The following SRGAP1 variants were observed in gnomAD, a reference collection of about 807,000 sequenced individuals.
SRGAP1 encodes the protein SLIT-ROBO Rho GTPase activating protein 1.
In SRGAP1, 43 loss-of-function variants were observed where a neutral mutation model predicts 121.9. The observed-to-expected ratio is 0.35, with a 90% CI of 0.28 to 0.46. SRGAP1 has a LOEUF of 0.46. SRGAP1 is among the 20% of genes least tolerant of loss of function. The pLI is 1.00. For synonymous variants in SRGAP1, 447 were observed against 485.4 expected (o/e 0.92, Z 1.04); for missense variants, 1,102 against 1,350.9 (o/e 0.82, Z 2.89).
intron 1 of SRGAP1, among the ~76,000 whole-genome samples, chr12:63,935,137 C>T (rs991055990): frequency 6.6e-6 from 1 of 152,162 alleles, no homozygotes; most frequent in East Asian, 1.9e-4. Flanking sequence ...GTGGCTGGCG[C>T]AGAGCCTGGC....
At chr12:64,023,284 C>T (rs1050815003) in intron 4 of SRGAP1, among the ~76,000 whole-genome samples, 10 of 147,774 alleles carry the variant, frequency 6.8e-5, no homozygotes, top group South Asian at 2.1e-4. Context: ...GGGCTGTGAT[C>T]GAAGAAGTGG....
At chr12:64,010,864 C>T (rs1593038521) in intron 3 of SRGAP1, among the ~76,000 whole-genome samples, 1 of 151,304 alleles carries the variant, frequency 6.6e-6, no homozygotes, top group African/African-American at 2.4e-5. Context: ...GGCACTTCAA[C>T]GTTAGAGTTT....
chr12:63,886,488 A>AT (rs1900387467), intron 1 of SRGAP1, among the ~76,000 whole-genome samples: 1 of 151,652 alleles, frequency 6.6e-6, no homozygotes, highest in Admixed American at 6.6e-5. Flanking sequence ...GTACTTATTT[A>AT]TTTTTATTTT....
At chr12:64,138,806 CAATAATTAAAA>C (rs1307828198) in intron 21 of SRGAP1, among the ~76,000 whole-genome samples, 6 of 151,896 alleles carry the variant, frequency 4.0e-5, no homozygotes, top group Non-Finnish European at 8.8e-5. Flanking sequence ...TCCATAAATG[CAATAATTAAAA>C]ATGCATGTTG....
At chr12:64,067,241 T>G (rs2035557708) in intron 8 of SRGAP1, among the ~76,000 whole-genome samples, 2 of 152,134 alleles carry the variant, frequency 1.3e-5, no homozygotes. Context: ...ACAGTGTCCT[T>G]ATAAACTTAG....
intron 4 of SRGAP1, among the ~76,000 whole-genome samples, chr12:64,032,094 T>G (rs1024769895): frequency 6.6e-6 from 1 of 152,136 alleles, no homozygotes; most frequent in Non-Finnish European, 1.5e-5. Context: ...CCATGAAAAT[T>G]TAGGCTCACA....
At chr12:63,889,583 A>G (rs910950780) in intron 1 of SRGAP1, among the ~76,000 whole-genome samples, 1 of 152,164 alleles carries the variant, frequency 6.6e-6, no homozygotes, top group African/African-American at 2.4e-5. Flanking sequence ...AGTTGATGCT[A>G]CAGAGAGAAT....
intron 8 of SRGAP1, among the ~76,000 whole-genome samples, chr12:64,073,314 G>A (rs576327572): frequency 5.9e-5 from 9 of 152,116 alleles, no homozygotes; most frequent in South Asian, 2.1e-4. Flanking sequence ...TTGATTCTTC[G>A]TATATGTATT....
In SRGAP1 at chr12:64,056,947, C is replaced by T. The variant is rs563847541; in HGVS notation, c.802-5970C>T. ...CTTTGACCCTTTATCTTATCTATAG[C>T]ATTTACCATCTGGCCTGTATTTAAT... On this transcript the variant is annotated intron_variant, in intron 6 of 21. Transcript: ENST00000355086. 2.0e-5 allele frequency among the ~76,000 whole-genome samples: 3 copies of T among 152,302 alleles called. No homozygotes were observed. In the East Asian group the frequency reaches 5.8e-4, roughly 29 times the overall value.
chr12:63,908,370 CTTCT>C (rs1328453456), intron 1 of SRGAP1, among the ~76,000 whole-genome samples: 1 of 152,120 alleles, frequency 6.6e-6, no homozygotes, highest in Non-Finnish European at 1.5e-5. Context: ...TTATTCAAAT[CTTCT>C]TTAATATTTT....
chr12:64,035,974 A>G (rs1371131922), intron 4 of SRGAP1, among the ~76,000 whole-genome samples: 2 of 152,132 alleles, frequency 1.3e-5, no homozygotes, highest in African/African-American at 4.8e-5. Context: ...TTTTACCTCG[A>G]AGGAACTGGA....
chr12:63,860,849 A>G (rs1162307436), intron 1 of SRGAP1, among the ~76,000 whole-genome samples: 1 of 150,254 alleles, frequency 6.7e-6, no homozygotes, highest in African/African-American at 2.5e-5. Flanking sequence ...TTAAAGAGAA[A>G]GGGTCTCGCT....
intron 1 of SRGAP1, among the ~76,000 whole-genome samples, chr12:63,948,933 A>ATG (rs2032156930): frequency 2.4e-5 from 2 of 83,056 alleles, no homozygotes; most frequent in Non-Finnish European, 5.0e-5. Flanking sequence ...TATTCCATAT[A>ATG]TATATTTTCC....
intron 1 of SRGAP1, among the ~76,000 whole-genome samples, chr12:63,956,780 T>G (rs2032487545): frequency 6.6e-6 from 1 of 150,842 alleles, no homozygotes; most frequent in African/African-American, 2.5e-5. Flanking sequence ...ACTTTACTAT[T>G]TCCAGTGTAT....
At chr12:64,067,547 T>C (rs2035562269) in intron 8 of SRGAP1, among the ~76,000 whole-genome samples, 1 of 152,252 alleles carries the variant, frequency 6.6e-6, no homozygotes, top group Admixed American at 6.5e-5. Flanking sequence ...GCATGACTAC[T>C]GGTTTATGAT....
intron 21 of SRGAP1, among the ~76,000 whole-genome samples, chr12:64,141,287 A>AAAAAAAAG (rs150192768): frequency 4.8e-4 from 69 of 144,666 alleles, no homozygotes; most frequent in Middle Eastern, 3.6e-3. Context: ...AAAAAAAAAA[A>AAAAAAAAG]AAAGAAAAAC....
rs148460394 is a variant in SRGAP1 at position 63,971,763 on chromosome 12, G to GGTGTGT, written c.68-12168_68-12163dup. Among the ~76,000 whole-genome samples the GGTGTGT allele has an allele frequency of 1.5e-3, 230 of 148,516 alleles. 1 individual carries two copies. The highest frequency in any genetic ancestry group is 3.0e-3 in the Non-Finnish European group (202 of 66,592). On this transcript the variant is annotated intron_variant, in intron 1 of 21. Coordinates refer to ENST00000355086, the MANE Select transcript of SRGAP1 (RefSeq NM_020762.4). ...GTGTGGGTATAGGGGTGTGTGTGTG[G>GGTGTGT]GTGTGTGTGTGTGTGTGTGTGATCT...
chr12:63,932,460 C>A (rs1276907132), intron 1 of SRGAP1, among the ~76,000 whole-genome samples: 1 of 152,198 alleles, frequency 6.6e-6, no homozygotes, highest in Non-Finnish European at 1.5e-5. Flanking sequence ...TATTTCCCAA[C>A]AGATCTTATA....
chr12:63,999,291 T>C (rs570440573), intron 3 of SRGAP1, among the ~76,000 whole-genome samples: 28 of 151,858 alleles, frequency 1.8e-4, no homozygotes, highest in Admixed American at 1.2e-3. Flanking sequence ...TATTGAGGAG[T>C]TCAAATTTAT....
Sources: allele counts gnomAD v4.1 joint callset (sites outside exome capture counted in the v4.1 genomes callset), GRCh38; gene constraint gnomAD v4.1.1; transcripts MANE v1.5; gene names NCBI Gene and HGNC (gene_info 2026-07-23, HGNC 2026-07-21).